Variants in EPHA6 observed in about 807,000 individuals in gnomAD.
EPHA6 encodes the protein EPH receptor A6, also known as ephrin type-A receptor 6.
EPHA6 carries 50 observed loss-of-function variants against 112.0 expected under a neutral mutation model. The observed-to-expected ratio is 0.45, with a 90% CI of 0.36 to 0.56. EPHA6 has a LOEUF of 0.56. Among genes scored for constraint, EPHA6 ranks in the 20% least tolerant of loss-of-function variants. The probability of loss-of-function intolerance (pLI) is 0.00; values close to 1 mark genes in which losing one functional copy is unlikely to be tolerated. For synonymous variants in EPHA6, 529 were observed against 490.7 expected, an observed-to-expected ratio of 1.08 and a Z score of -1.03; for missense variants, 1,280 against 1,417.4, an observed-to-expected ratio of 0.90 and a Z score of 1.56.
chr3:96,991,440 A>G (rs1471863610), intron 3 of EPHA6, among the ~76,000 whole-genome samples: 1 of 152,092 alleles, frequency 6.6e-6, no homozygotes, highest in African/African-American at 2.4e-5. Context: ...GCCTTTCTCT[A>G]TGTGGCCTCT....
chr3:97,149,856 A>G (rs1329675483), intron 3 of EPHA6, among the ~76,000 whole-genome samples: 1 of 149,708 alleles, frequency 6.7e-6, no homozygotes. Flanking sequence ...TATAATACAT[A>G]TAATACATTA....
At chr3:97,473,921 G>C (rs1024178618) in intron 7 of EPHA6, among the ~76,000 whole-genome samples, 1 of 151,798 alleles carries the variant, frequency 6.6e-6, no homozygotes, top group Non-Finnish European at 1.5e-5. Flanking sequence ...TTAAATCATA[G>C]TGACTAAGTT....
chr3:96,913,178 AC>A (rs2039306430), intron 2 of EPHA6, among the ~76,000 whole-genome samples: 1 of 132,320 alleles, frequency 7.6e-6, no homozygotes, highest in South Asian at 2.5e-4. Context: ...ACACACACAC[AC>A]ACACACACAC....
intron 5 of EPHA6, among the ~76,000 whole-genome samples, chr3:97,370,486 A>G (rs2084984446): frequency 6.6e-6 from 1 of 152,162 alleles, no homozygotes; most frequent in Admixed American, 6.6e-5. Context: ...GTGCTTTATA[A>G]TATACACACC....
chr3:97,149,168 CT>C (rs1485503262), intron 3 of EPHA6, among the ~76,000 whole-genome samples: 1 of 152,096 alleles, frequency 6.6e-6, no homozygotes, highest in African/African-American at 2.4e-5. Context: ...ACTAAAAGAA[CT>C]GTCACTAGGT....
chr3:97,266,339 T>C (rs2079682250), intron 5 of EPHA6, among the ~76,000 whole-genome samples: 1 of 152,204 alleles, frequency 6.6e-6, no homozygotes. Flanking sequence ...TAATTTATTA[T>C]ATTTTTCCAG....
chr3:97,116,356 T>C (rs1576516093), intron 3 of EPHA6, among the ~76,000 whole-genome samples: 1 of 151,668 alleles, frequency 6.6e-6, no homozygotes, highest in South Asian at 2.1e-4. Flanking sequence ...TCTGTGTGTA[T>C]ATATGAAAGA....
At chr3:97,374,665 T>G (rs918299942) in intron 5 of EPHA6, among the ~76,000 whole-genome samples, 1 of 152,024 alleles carries the variant, frequency 6.6e-6, no homozygotes, top group East Asian at 1.9e-4. Context: ...CGCTCGCTCA[T>G]CCTTATATTA....
rs1480113200 is a variant in EPHA6 at position 97,758,002 on chromosome 3, ACTCTT to A, written c.*9305_*9309del. Among the ~76,000 whole-genome samples, 1 of 151,574 alleles carries A rather than the reference ACTCTT, an allele frequency of 6.6e-6. No individual in the cohort carries two copies. Among genetic ancestry groups the A allele is most frequent in the African/African-American group, 2.4e-5 (1 of 41,336 alleles). The stretch of plus-strand genomic sequence containing the variant: ...CCCTAAAATTTGCTAGAGAAAGCAA[ACTCTT>A]CTCATGAATGGAAATACAAAATGAA... On this transcript the variant is annotated 3_prime_UTR_variant, in exon 18 of 18. Coordinates refer to ENST00000389672, the MANE Select transcript of EPHA6 (RefSeq NM_001080448.3).
chr3:97,400,488 G>T lies in EPHA6; in HGVS notation c.1607-4662G>T, dbSNP rs575599321. 2.7e-4 allele frequency among the ~76,000 whole-genome samples: 41 copies of T among 151,738 alleles called. 1 individual carries two copies. The highest frequency in any genetic ancestry group is 7.5e-4 in the African/African-American group (31 of 41,504). ...GAATATAATTGTTATTTTGATAGGG[G>T]TGGTATGGAATCTAGATTGCTTTGG... On this transcript the variant is annotated intron_variant, in intron 5 of 17. Coordinates refer to ENST00000389672, the MANE Select transcript of EPHA6 (RefSeq NM_001080448.3).
intron 12 of EPHA6, among the ~76,000 whole-genome samples, chr3:97,595,489 C>CA (rs1192811383): frequency 2.0e-5 from 3 of 151,936 alleles, no homozygotes; most frequent in African/African-American, 7.3e-5. Flanking sequence ...ACTAAAAATA[C>CA]AAAAAATTAG....
chr3:97,458,549 T>G (rs1175982856), intron 7 of EPHA6, among the ~76,000 whole-genome samples: 2 of 152,126 alleles, frequency 1.3e-5, no homozygotes, highest in Non-Finnish European at 2.9e-5. Flanking sequence ...TGTATATATA[T>G]GTACATATAT....
chr3:97,687,162 C>T (rs1000732655), intron 14 of EPHA6, among the ~76,000 whole-genome samples: 2 of 152,144 alleles, frequency 1.3e-5, no homozygotes, highest in African/African-American at 2.4e-5. Context: ...TCTTCATTCT[C>T]AGTGTCAGAA....
At position 96,900,836 on chromosome 3, in the gene EPHA6, A is replaced by T. The variant is rs770267670; in HGVS notation, c.450+33947A>T. Among the ~76,000 whole-genome samples the T allele has an allele frequency of 9.4e-4, 143 of 152,364 alleles. 1 individual carries two copies. The highest frequency in any genetic ancestry group is 1.8e-4 in the Non-Finnish European group (12 of 68,026). ...GGACAGGAGGAAACATTTGAAGAAC[A>T]AATGATTAATGGCATCGTTACTGAG... On this transcript the variant is annotated intron_variant, in intron 2 of 17. Transcript: ENST00000389672.
chr3:97,509,699 A>AT (rs2107586277), intron 10 of EPHA6, among the ~76,000 whole-genome samples: 1 of 151,986 alleles, frequency 6.6e-6, no homozygotes, highest in African/African-American at 2.4e-5. Flanking sequence ...TCTTTGTAGT[A>AT]TTTTTTGTAT....
chr3:97,354,646 G>T (rs572812995), intron 5 of EPHA6, among the ~76,000 whole-genome samples: 1 of 152,068 alleles, frequency 6.6e-6, no homozygotes, highest in South Asian at 2.1e-4. Context: ...AGAATTATTG[G>T]CCTTAAAGAG....
intron 3 of EPHA6, among the ~76,000 whole-genome samples, chr3:97,080,608 A>T (rs1456873320): frequency 2.0e-5 from 3 of 152,100 alleles, no homozygotes; most frequent in East Asian, 1.9e-4. Context: ...TGACTTCACA[A>T]ATTAAACTAC....
At chr3:97,165,964 A>G (rs1009319797) in intron 3 of EPHA6, among the ~76,000 whole-genome samples, 1 of 152,172 alleles carries the variant, frequency 6.6e-6, no homozygotes, top group African/African-American at 2.4e-5. Context: ...TTTTGAAAAG[A>G]AGTGCATGAC....
chr3:97,223,930 A>G (rs2078276654), intron 3 of EPHA6, among the ~76,000 whole-genome samples: 1 of 151,920 alleles, frequency 6.6e-6, no homozygotes, highest in African/African-American at 2.4e-5. Context: ...TGTGCTATCC[A>G]GTATGGTATT....
Sources: allele counts gnomAD v4.1 joint callset (sites outside exome capture counted in the v4.1 genomes callset), GRCh38; gene constraint gnomAD v4.1.1; transcripts MANE v1.5; gene names NCBI Gene and HGNC (gene_info 2026-07-23, HGNC 2026-07-21).